Variants in INPP4A observed in about 807,000 individuals in gnomAD.
INPP4A encodes inositol polyphosphate-4-phosphatase type I A.
In INPP4A, 33 loss-of-function variants were observed where a neutral mutation model predicts 119.8. The observed-to-expected ratio is 0.28, with a 90% confidence interval of 0.21 to 0.37. The LOEUF is 0.37. INPP4A is among the 10% of genes least tolerant of loss of function. The pLI, the probability that INPP4A is intolerant of heterozygous loss-of-function variation, is 1.00. For synonymous variants in INPP4A, 496 were observed against 500.7 expected (o/e 0.99, Z 0.12); for missense variants, 956 against 1,289.9 (o/e 0.74, Z 3.97).
At chr2:98,541,702 A>T (rs1444967077) in intron 10 of INPP4A, among the ~76,000 whole-genome samples, 1 of 152,140 alleles carries the variant, frequency 6.6e-6, no homozygotes, top group African/African-American at 2.4e-5. Flanking sequence ...CTCTTACCTC[A>T]GCTTCCTGAA....
intron 5 of INPP4A, among the ~76,000 whole-genome samples, chr2:98,535,402 G>A (rs943484282): frequency 1.3e-5 from 2 of 152,172 alleles, no homozygotes; most frequent in African/African-American, 4.8e-5. Context: ...AATGCATGTG[G>A]ACATCCAACT....
In INPP4A at chr2:98,533,409, C is replaced by G. The variant is rs777176771; in HGVS notation, c.184C>G (p.Arg62Gly). ...CSELHTPSLD[R>G]KPNSFVAVSV... is the part of the protein sequence containing the mutation. ...TGAGCTGCATACTCCATCGCTAGAT[C>G]GAAAGCCAAATAGTTTTGTTGCGGT... is the stretch of plus-strand genomic sequence containing the variant. The change falls in exon 5 of 25, where the codon CGA becomes GGA. Residue 62 changes from arginine to glycine, a missense_variant. Around this residue, in one of 2 missense-constraint regions of INPP4A, gnomAD observed 652 missense variants for 797.9 expected, o/e 0.82. Coordinates refer to ENST00000409851, the MANE Select transcript of INPP4A (RefSeq NM_001134225.2). The G allele has an allele frequency of 1.9e-6, 3 of 1,613,416 alleles. No individual in the cohort carries two copies. The highest frequency in any genetic ancestry group is 2.5e-6 in the Non-Finnish European group (3 of 1,179,710).
intron 17 of INPP4A, among the ~76,000 whole-genome samples, chr2:98,560,660 G>T (rs150618492): frequency 1.2e-4 from 19 of 152,184 alleles, no homozygotes; most frequent in Admixed American, 1.2e-3. Context: ...CTCCTCCTCC[G>T]TTGCCTCCCC....
intron 1 of INPP4A, among the ~76,000 whole-genome samples, chr2:98,461,086 G>A (rs924987326): frequency 1.3e-5 from 2 of 152,166 alleles, no homozygotes; most frequent in African/African-American, 4.8e-5. Flanking sequence ...TGCACAGTGG[G>A]TGCAGTGCAA....
chr2:98,553,994 T>G (rs1249717540), intron 14 of INPP4A, among the ~76,000 whole-genome samples: 2 of 152,196 alleles, frequency 1.3e-5, no homozygotes, highest in Non-Finnish European at 2.9e-5. Flanking sequence ...CAATCACAGG[T>G]CAGAGGTAGG....
intron 1 of INPP4A, among the ~76,000 whole-genome samples, chr2:98,497,616 GTTGT>G (rs1682278936): frequency 1.3e-5 from 2 of 152,226 alleles, no homozygotes; most frequent in Admixed American, 6.5e-5. Flanking sequence ...CTGCAGTTGA[GTTGT>G]TTGAGTTCCT....
At chr2:98,495,026 A>G (rs376518942) in intron 1 of INPP4A, among the ~76,000 whole-genome samples, 1 of 152,156 alleles carries the variant, frequency 6.6e-6, no homozygotes. Context: ...TTGGGTGGGG[A>G]GGGGAATATA....
At chr2:98,495,173 T>TA (rs1319300358) in intron 1 of INPP4A, among the ~76,000 whole-genome samples, 6 of 151,978 alleles carry the variant, frequency 3.9e-5, no homozygotes, top group Non-Finnish European at 7.4e-5. Context: ...AATTATAAGA[T>TA]ATGCAAAGAA....
chr2:98,552,988 T>C lies in INPP4A; in HGVS notation c.1347+19T>C. The C allele has an allele frequency of 3.8e-6, 6 of 1,590,918 alleles. No homozygotes were observed. Among genetic ancestry groups the C allele is most frequent in the Non-Finnish European group, 5.1e-6 (6 of 1,166,674 alleles). On this transcript the variant is annotated intron_variant, in intron 14 of 24. Coordinates refer to ENST00000409851, the MANE Select transcript of INPP4A (RefSeq NM_001134225.2). ...AGACAAGGTAGGAGGGGTGCCCTGC[T>C]ACATATGGGCTGGGGAGTTTCCTTG...
chr2:98,469,054 G>A (rs1424026163), intron 1 of INPP4A, among the ~76,000 whole-genome samples: 1 of 152,150 alleles, frequency 6.6e-6, no homozygotes, highest in African/African-American at 2.4e-5. Flanking sequence ...ATCACCTAGG[G>A]GCTTTTGAAA....
At chr2:98,548,286 G>C (rs1353795114) in intron 13 of INPP4A, among the ~76,000 whole-genome samples, 1 of 152,204 alleles carries the variant, frequency 6.6e-6, no homozygotes, top group African/African-American at 2.4e-5. Flanking sequence ...CATTCCCAGG[G>C]GTGCTTCCCT....
At chr2:98,513,537 T>A (rs1224313441) in intron 1 of INPP4A, among the ~76,000 whole-genome samples, 1 of 152,264 alleles carries the variant, frequency 6.6e-6, no homozygotes, top group Non-Finnish European at 1.5e-5. Flanking sequence ...CATTGGCTAT[T>A]GCTCTGGAAT....
intron 1 of INPP4A, among the ~76,000 whole-genome samples, chr2:98,509,009 C>T (rs1281038408): frequency 6.6e-6 from 1 of 152,176 alleles, no homozygotes; most frequent in Non-Finnish European, 1.5e-5. Context: ...GTGCCGCTGC[C>T]TGGAAAGGAC....
intron 1 of INPP4A, among the ~76,000 whole-genome samples, chr2:98,455,432 A>T (rs1695966312): frequency 6.6e-6 from 1 of 152,136 alleles, no homozygotes; most frequent in South Asian, 2.1e-4. Context: ...GATTGGCCTT[A>T]GGGACGACAC....
At chr2:98,583,126 TG>T (rs1699567429) in intron 24 of INPP4A, among the ~76,000 whole-genome samples, 2 of 152,254 alleles carry the variant, frequency 1.3e-5, no homozygotes, top group Non-Finnish European at 2.9e-5. Context: ...CTCTTCACTA[TG>T]TAAGGATCAT....
chr2:98,575,922 C>T (rs1364039723), intron 23 of INPP4A, among the ~76,000 whole-genome samples: 2 of 152,196 alleles, frequency 1.3e-5, no homozygotes, highest in Admixed American at 6.5e-5. Flanking sequence ...CACAGGTTTT[C>T]AGATTTTAGA....
At chr2:98,453,788 C>T (rs17031889) in intron 1 of INPP4A, among the ~76,000 whole-genome samples, 2,360 of 152,220 alleles carry the variant, frequency 0.016, 68 homozygotes, top group African/African-American at 0.054. Context: ...GCGTATTGTT[C>T]GTGGTAGTAA....
intron 13 of INPP4A, among the ~76,000 whole-genome samples, chr2:98,548,060 G>A (rs1036745750): frequency 6.6e-6 from 1 of 152,132 alleles, no homozygotes; most frequent in African/African-American, 2.4e-5. Flanking sequence ...GAGGTGAAAG[G>A]TCAGATCAGT....
intron 1 of INPP4A, among the ~76,000 whole-genome samples, chr2:98,515,433 G>C (rs554408362): frequency 1.3e-5 from 2 of 151,844 alleles, no homozygotes; most frequent in Non-Finnish European, 2.9e-5. Flanking sequence ...GCTGTGGTGG[G>C]GTAGGACGGG....
Sources: gnomAD v4.1 joint callset for allele counts (sites outside exome capture counted in the v4.1 genomes callset) on GRCh38, gnomAD v4.1.1 for gene constraint, gnomAD v4.1.1 regional missense constraint, MANE v1.5 for transcripts, NCBI Gene and HGNC (gene_info 2026-07-23, HGNC 2026-07-21) for gene names.